Variants in PUDP observed in about 807,000 individuals in gnomAD.
PUDP encodes the protein pseudouridine-5'-phosphatase.
Under a neutral mutation model 9.4 loss-of-function variants are expected in PUDP, and 8 were observed. That is an observed-to-expected ratio of 0.85 (90% CI 0.50 to 1.53). The LOEUF is 1.53. Ranked by LOEUF, PUDP falls within the 40% of genes most tolerant of loss-of-function variation. The pLI, the probability that PUDP is intolerant of heterozygous loss-of-function variation, is 0.00. For synonymous variants in PUDP, 99 were observed against 80.7 expected, an observed-to-expected ratio of 1.23 and a Z score of -1.22; for missense variants, 188 against 189.7, an observed-to-expected ratio of 0.99 and a Z score of 0.05.
intron 3 of PUDP, among the ~76,000 whole-genome samples, chrX:6,856,534 G>A (rs1268100796): frequency 1.8e-5 from 2 of 111,778 alleles, no homozygotes; most frequent in African/African-American, 3.2e-5. Context: ...ATGCACCTCG[G>A]CACACAGTCC....
At chrX:6,891,575 G>C (rs761962544) in intron 3 of PUDP, among the ~76,000 whole-genome samples, 1 of 112,113 alleles carries the variant, frequency 8.9e-6, no homozygotes, top group Non-Finnish European at 1.9e-5. Context: ...CCTGGACAAG[G>C]CATTGCCCTC....
At chrX:6,778,405 T>C (rs1415924691) in intron 3 of PUDP, among the ~76,000 whole-genome samples, 1 of 112,576 alleles carries the variant, frequency 8.9e-6, no homozygotes, top group African/African-American at 3.2e-5. Flanking sequence ...ATTTGCAACC[T>C]TGGGCCAAGC....
rs1196215717 is a variant in PUDP at position 6,729,725 on chromosome X, C to T, written c.*248-23259G>A. ...TCTGCCTTCGTTACACGCCCGGACA[C>T]GCCACAGTACCAGGCTTATCAGTAC... is the stretch of plus-strand genomic sequence containing the variant. On this transcript the variant is annotated intron_variant and NMD_transcript_variant, in intron 3 of 3. Transcript: ENST00000655425. Among the ~76,000 whole-genome samples the T allele has an allele frequency of 2.7e-5, 3 of 111,302 alleles. 1 individual carries two copies. The highest frequency in any genetic ancestry group is 9.8e-5 in the African/African-American group (3 of 30,527).
At position 6,793,755 on chromosome X, in the gene PUDP, G is replaced by C. The variant is rs772748232; in HGVS notation, c.*248-87289C>G. On this transcript the variant is annotated intron_variant and NMD_transcript_variant, in intron 3 of 3. Transcript: ENST00000655425. ...CTAATGCCTGTTCAGACTGAGGCAA[G>C]AAAAGACGGTAAAGATTGCTATGAG... 7.0e-3 allele frequency among the ~76,000 whole-genome samples: 768 copies of C among 109,785 alleles called. 8 individuals are homozygous for C. The highest frequency in any genetic ancestry group is 0.011 in the Non-Finnish European group (578 of 51,632).
At chrX:6,752,934 A>C (rs1346656441) in intron 3 of PUDP, among the ~76,000 whole-genome samples, 1 of 111,858 alleles carries the variant, frequency 8.9e-6, no homozygotes, top group Non-Finnish European at 1.9e-5. Context: ...ATATATGCAT[A>C]TAGATAGAAA....
chrX:6,838,385 C>G (rs762815134), intron 3 of PUDP, among the ~76,000 whole-genome samples: 1 of 112,471 alleles, frequency 8.9e-6, no homozygotes, highest in South Asian at 3.7e-4. Context: ...AAAATTGTCA[C>G]GCAGATAGCT....
rs59016698 is a variant in PUDP at position 6,982,023 on chromosome X, T to TACACACACACACACACACAC, written c.205-3700_205-3681dup. ...CCCAAGAGAAATGAGAACTTATGGA[T>TACACACACACACACACACAC]ACACACACACACACACACACACACA... On this transcript the variant is annotated intron_variant and NMD_transcript_variant, in intron 1 of 3. Transcript: ENST00000655425. Among the ~76,000 whole-genome samples the TACACACACACACACACACAC allele has an allele frequency of 4.3e-4, 37 of 86,995 alleles. 1 individual carries two copies. Among genetic ancestry groups the TACACACACACACACACACAC allele is most frequent in the South Asian group, 5.9e-4 (1 of 1,699 alleles). The allele number at this position is 86,995 out of a possible 115,157, so 75.5% of individuals were successfully genotyped here.
intron 1 of PUDP, among the ~76,000 whole-genome samples, chrX:7,002,920 C>T (rs1266242972): frequency 1.8e-5 from 2 of 110,187 alleles, no homozygotes; most frequent in African/African-American, 6.6e-5. Context: ...CGGAAAGCAC[C>T]GAGAAAAAGG....
At chrX:6,940,731 A>G (rs1928386650) in intron 3 of PUDP, among the ~76,000 whole-genome samples, 1 of 111,247 alleles carries the variant, frequency 9.0e-6, no homozygotes, top group South Asian at 3.8e-4. Flanking sequence ...CCTCCTAAGG[A>G]CCATTGTTTA....
intron 3 of PUDP, among the ~76,000 whole-genome samples, chrX:6,745,453 T>G (rs1036770838): frequency 1.8e-5 from 2 of 111,899 alleles, no homozygotes; most frequent in African/African-American, 3.3e-5. Context: ...AATCAAGGTG[T>G]CAAGAGAAAG....
At chrX:6,769,427 T>G (rs1925329742) in intron 3 of PUDP, among the ~76,000 whole-genome samples, 1 of 111,699 alleles carries the variant, frequency 9.0e-6, no homozygotes, top group South Asian at 3.8e-4. Context: ...CCTGCCTTGC[T>G]CTTCATTAAT....
At chrX:6,722,599 G>A, upstream of PUDP, among the ~76,000 whole-genome samples, 1 of 111,850 alleles carries the variant, frequency 8.9e-6, no homozygotes, top group Non-Finnish European at 1.9e-5. Context: ...CTGCAAGAAA[G>A]TCAAAAGTTT....
At chrX:6,883,889 G>A (rs1353073157) in intron 3 of PUDP, among the ~76,000 whole-genome samples, 1 of 111,433 alleles carries the variant, frequency 9.0e-6, no homozygotes, top group Non-Finnish European at 1.9e-5. Context: ...CACCCAGTCT[G>A]GAGTGCAGCG....
intron 3 of PUDP, chrX:7,057,535 C>A: frequency 1.3e-6 from 1 of 757,002 alleles, no homozygotes; most frequent in Non-Finnish European, 1.8e-6. Context: ...GATGTTAAGC[C>A]TGATGGAGAA....
At chrX:6,812,952 G>A (rs4132606) in intron 3 of PUDP, among the ~76,000 whole-genome samples, 41,247 of 109,685 alleles carry the variant, frequency 0.38, 6,607 homozygotes, top group East Asian at 0.74. Flanking sequence ...AAATTAGCTG[G>A]GTATGGTGAC....
At chrX:7,006,570 G>A (rs1167689040) in intron 1 of PUDP, among the ~76,000 whole-genome samples, 1 of 110,828 alleles carries the variant, frequency 9.0e-6, no homozygotes, top group Non-Finnish European at 1.9e-5. Context: ...AGGTAGAGAA[G>A]GCAATCTTTG....
chrX:7,074,225 C>T (rs1930827405), intron 3 of PUDP, among the ~76,000 whole-genome samples: 1 of 112,346 alleles, frequency 8.9e-6, no homozygotes, highest in African/African-American at 3.2e-5. Flanking sequence ...CACCCGGCTG[C>T]GCATGGTGGT....
intron 1 of PUDP, among the ~76,000 whole-genome samples, chrX:7,024,089 C>A (rs1244043163): frequency 9.0e-6 from 1 of 111,727 alleles, no homozygotes; most frequent in Non-Finnish European, 1.9e-5. Flanking sequence ...GTTCTAGTAG[C>A]TTTTTTGTAT....
intron 3 of PUDP, among the ~76,000 whole-genome samples, chrX:6,893,676 A>C (rs1426888094): frequency 8.9e-6 from 1 of 112,112 alleles, no homozygotes; most frequent in Non-Finnish European, 1.9e-5. Flanking sequence ...TTATTAACTT[A>C]GTTAGAAAGG....
Sources: gnomAD v4.1 joint callset for allele counts (sites outside exome capture counted in the v4.1 genomes callset) on GRCh38, gnomAD v4.1.1 for gene constraint, MANE v1.5 for transcripts, NCBI Gene and HGNC (gene_info 2026-07-23, HGNC 2026-07-21) for gene names.